MAGI2: variants seen among roughly 807,000 people sequenced by gnomAD.
MAGI2 encodes the protein membrane associated guanylate kinase, WW and PDZ domain containing 2.
A neutral mutation model predicts 133.3 loss-of-function variants in MAGI2; 35 were observed. The ratio of observed to expected loss-of-function variants is 0.26; its 90% CI spans 0.20 to 0.35. The LOEUF is 0.35. Ranked by LOEUF, MAGI2 falls within the 10% of genes least tolerant of loss-of-function variation. The probability of loss-of-function intolerance (pLI) is 1.00; values close to 1 mark genes in which losing one functional copy is unlikely to be tolerated. For missense variants in MAGI2, 1,636 were observed against 1,863.4 expected, an observed-to-expected ratio of 0.88 and a Z score of 2.25; for synonymous variants, 729 against 710.6, an observed-to-expected ratio of 1.03 and a Z score of -0.41.
intron 2 of MAGI2, among the ~76,000 whole-genome samples, chr7:78,700,944 G>A (rs1818004179): frequency 7.6e-6 from 1 of 132,000 alleles, no homozygotes; most frequent in Admixed American, 7.8e-5. Context: ...TAGTAAGTGT[G>A]TTACATTTAC....
intron 1 of MAGI2, among the ~76,000 whole-genome samples, chr7:79,037,250 A>G (rs1008479939): frequency 2.0e-5 from 3 of 152,202 alleles, no homozygotes; most frequent in East Asian, 1.9e-4. Flanking sequence ...AATAAATTTG[A>G]CAGTCATTGT....
intron 9 of MAGI2, among the ~76,000 whole-genome samples, chr7:78,322,615 T>TG (rs1402529207): frequency 1.3e-5 from 2 of 151,830 alleles, no homozygotes; most frequent in South Asian, 2.1e-4. Flanking sequence ...TGTTGGTAGA[T>TG]GGGGGGATAG....
chr7:79,405,640 T>C, intron 1 of MAGI2, among the ~76,000 whole-genome samples: 1 of 152,230 alleles, frequency 6.6e-6, no homozygotes. Flanking sequence ...CCATTGTACC[T>C]AGGCCTTTAG....
At chr7:78,552,877 C>T (rs1013305806) in intron 3 of MAGI2, among the ~76,000 whole-genome samples, 25 of 152,100 alleles carry the variant, frequency 1.6e-4, no homozygotes, top group East Asian at 3.9e-4. Flanking sequence ...AGGCAGAGTA[C>T]GGGGCCAAAG....
At chr7:79,052,982 G>A (rs1292166983) in intron 1 of MAGI2, among the ~76,000 whole-genome samples, 2 of 151,936 alleles carry the variant, frequency 1.3e-5, no homozygotes, top group African/African-American at 4.8e-5. Flanking sequence ...TTCCATAAGA[G>A]GCAACATGAA....
chr7:79,104,015 A>T (rs1432566916), intron 1 of MAGI2, among the ~76,000 whole-genome samples: 3 of 152,142 alleles, frequency 2.0e-5, no homozygotes, highest in Non-Finnish European at 2.9e-5. Context: ...TTTCTTGATT[A>T]AGTGGTGGCT....
At chr7:78,421,431 A>C (rs897319998) in intron 6 of MAGI2, among the ~76,000 whole-genome samples, 1 of 152,206 alleles carries the variant, frequency 6.6e-6, no homozygotes, top group Non-Finnish European at 1.5e-5. Context: ...GACTTTGAAA[A>C]GATTTACTTA....
At chr7:78,694,358 AG>A (rs1388424501) in intron 2 of MAGI2, among the ~76,000 whole-genome samples, 2 of 152,236 alleles carry the variant, frequency 1.3e-5, no homozygotes, top group African/African-American at 4.8e-5. Context: ...CTTTTAAACC[AG>A]GTGGAATCCT....
At chr7:78,908,936 T>C (rs1485974938) in intron 2 of MAGI2, among the ~76,000 whole-genome samples, 1 of 152,030 alleles carries the variant, frequency 6.6e-6, no homozygotes, top group Admixed American at 6.5e-5. Context: ...CTGAAAGCAA[T>C]TGCAACAAAA....
chr7:78,748,503 GA>G (rs1823141624), intron 2 of MAGI2, among the ~76,000 whole-genome samples: 1 of 152,138 alleles, frequency 6.6e-6, no homozygotes, highest in Non-Finnish European at 1.5e-5. Context: ...CATACACTAT[GA>G]AAAAGTGTAA....
chr7:78,583,878 T>C (rs1184427590), intron 3 of MAGI2, among the ~76,000 whole-genome samples: 1 of 152,184 alleles, frequency 6.6e-6, no homozygotes, highest in Non-Finnish European at 1.5e-5. Context: ...ATTGAGTCCT[T>C]ATAATGGAGA....
At chr7:79,063,237 G>T (rs1168936628) in intron 1 of MAGI2, among the ~76,000 whole-genome samples, 1 of 151,996 alleles carries the variant, frequency 6.6e-6, no homozygotes, top group African/African-American at 2.4e-5. Flanking sequence ...GTGTGACTGG[G>T]TTTATGATTC....
At chr7:78,480,357 C>G (rs1792224885) in intron 6 of MAGI2, among the ~76,000 whole-genome samples, 1 of 151,676 alleles carries the variant, frequency 6.6e-6, no homozygotes, top group African/African-American at 2.4e-5. Flanking sequence ...TACCCCGATA[C>G]CAAAACCAGA....
chr7:78,435,353 G>A (rs1363941266), intron 6 of MAGI2, among the ~76,000 whole-genome samples: 1 of 152,136 alleles, frequency 6.6e-6, no homozygotes, highest in Admixed American at 6.6e-5. Flanking sequence ...AGAAATTCAA[G>A]TTGTTAACCT....
intron 5 of MAGI2, among the ~76,000 whole-genome samples, chr7:78,495,612 T>G (rs1360792000): frequency 6.6e-6 from 1 of 152,190 alleles, no homozygotes; most frequent in Non-Finnish European, 1.5e-5. Flanking sequence ...TTTCACTATG[T>G]TTTTCTATCT....
chr7:78,102,073 G>A (rs1408201301), intron 20 of MAGI2, among the ~76,000 whole-genome samples: 1 of 152,140 alleles, frequency 6.6e-6, no homozygotes, highest in African/African-American at 2.4e-5. Context: ...TGAACTTGGA[G>A]GACACTATGC....
At chr7:79,438,999 A>T (rs1347730236) in intron 1 of MAGI2, among the ~76,000 whole-genome samples, 5 of 152,154 alleles carry the variant, frequency 3.3e-5, no homozygotes, top group East Asian at 3.9e-4. Flanking sequence ...GCCTTCCTTT[A>T]TATGGCTCCA....
At chr7:78,129,683 G>T (rs941651469) in intron 18 of MAGI2, among the ~76,000 whole-genome samples, 1 of 152,078 alleles carries the variant, frequency 6.6e-6, no homozygotes, top group East Asian at 1.9e-4. Context: ...CGTGGCTCAC[G>T]CCTGTAATCC....
chr7:78,078,833 G>C, intron 21 of MAGI2, 114 bp downstream of exon 21: 2 of 1,069,980 alleles, frequency 1.9e-6, no homozygotes, highest in Non-Finnish European at 2.8e-6. Flanking sequence ...CCTATTGATA[G>C]CTAAATATAT....
Sources: gnomAD v4.1 joint callset for allele counts (sites outside exome capture counted in the v4.1 genomes callset) on GRCh38, gnomAD v4.1.1 for gene constraint, MANE v1.5 for transcripts, NCBI Gene and HGNC (gene_info 2026-07-23, HGNC 2026-07-21) for gene names.